The following TENM2 variants were observed in gnomAD, a reference collection of about 807,000 sequenced individuals.
TENM2 encodes teneurin transmembrane protein 2, also known as teneurin-2.
A neutral mutation model predicts 245.2 loss-of-function variants in TENM2; 52 were observed. That is an observed-to-expected ratio of 0.21 (90% CI 0.17 to 0.27). The LOEUF (loss-of-function observed/expected upper bound fraction) is 0.27. TENM2 is among the 10% of genes least tolerant of loss of function. The pLI, the probability that TENM2 is intolerant of heterozygous loss-of-function variation, is 1.00. For synonymous variants in TENM2, 1,363 were observed against 1,438.9 expected, an observed-to-expected ratio of 0.95 and a Z score of 1.19; for missense variants, 3,046 against 3,666.8, an observed-to-expected ratio of 0.83 and a Z score of 4.37.
intron 2 of TENM2, among the ~76,000 whole-genome samples, chr5:167,682,218 G>C (rs1018298090): frequency 6.6e-6 from 1 of 150,994 alleles, no homozygotes; most frequent in Non-Finnish European, 1.5e-5. Context: ...GCTGGAGTGC[G>C]GTGGCATGAT....
At chr5:167,431,997 G>A (rs564181959) in intron 2 of TENM2, among the ~76,000 whole-genome samples, 27 of 104,136 alleles carry the variant, frequency 2.6e-4, no homozygotes, top group African/African-American at 1.1e-3. Flanking sequence ...AATGCTTTCT[G>A]TAAACTGGAA....
At chr5:168,035,950 T>C (rs541241616) in intron 5 of TENM2, among the ~76,000 whole-genome samples, 8 of 152,298 alleles carry the variant, frequency 5.3e-5, no homozygotes, top group East Asian at 1.9e-4. Flanking sequence ...AGGAGATGCA[T>C]TGAGAAAGTT....
chr5:167,674,555 A>G (rs1756183632), intron 2 of TENM2, among the ~76,000 whole-genome samples: 1 of 152,172 alleles, frequency 6.6e-6, no homozygotes, highest in Non-Finnish European at 1.5e-5. Context: ...AATTTTTAAC[A>G]GACATTAAAA....
intron 2 of TENM2, among the ~76,000 whole-genome samples, chr5:167,618,857 G>A (rs906616385): frequency 3.3e-5 from 5 of 151,886 alleles, no homozygotes; most frequent in South Asian, 4.1e-4. Flanking sequence ...CCCTCTCCCC[G>A]CAAAAAGAGT....
intron 2 of TENM2, among the ~76,000 whole-genome samples, chr5:167,597,275 C>T (rs552372010): frequency 2.0e-5 from 3 of 151,338 alleles, no homozygotes; most frequent in Admixed American, 1.3e-4. Flanking sequence ...AGTGATTCTC[C>T]TGCCTCAGCC....
intron 2 of TENM2, among the ~76,000 whole-genome samples, chr5:167,444,588 G>T (rs761107226): frequency 2.0e-5 from 3 of 152,104 alleles, no homozygotes; most frequent in Non-Finnish European, 4.4e-5. Flanking sequence ...GTAGGTTACT[G>T]ATCCTACAAT....
chr5:166,989,252 CTTTTT>C, the TENM2 span, among the ~76,000 whole-genome samples: 1 of 56,958 alleles, frequency 1.8e-5, no homozygotes, highest in African/African-American at 8.5e-5. Context: ...CCAAGCTAAT[CTTTTT>C]TTTTTTTTTT....
intron 2 of TENM2, among the ~76,000 whole-genome samples, chr5:167,727,340 C>G (rs1371978069): frequency 6.6e-6 from 1 of 152,078 alleles, no homozygotes; most frequent in Non-Finnish European, 1.5e-5. Flanking sequence ...TCTCGATCCC[C>G]TGACCTCGTG....
At chr5:167,618,818 C>T (rs1274413278) in intron 2 of TENM2, among the ~76,000 whole-genome samples, 2 of 152,042 alleles carry the variant, frequency 1.3e-5, no homozygotes, top group African/African-American at 4.8e-5. Context: ...ACCATTTTAC[C>T]TGTATAAATG....
intron 2 of TENM2, among the ~76,000 whole-genome samples, chr5:167,410,713 C>T (rs1428323309): frequency 1.3e-5 from 2 of 152,008 alleles, no homozygotes; most frequent in Non-Finnish European, 2.9e-5. Flanking sequence ...AATGCAACTT[C>T]CCTGTCATTC....
At chr5:168,013,871 G>C (rs1375446592) in intron 5 of TENM2, among the ~76,000 whole-genome samples, 1 of 152,170 alleles carries the variant, frequency 6.6e-6, no homozygotes. Context: ...GAAAGCACTA[G>C]GAAAGGGTCT....
intron 2 of TENM2, among the ~76,000 whole-genome samples, chr5:167,389,293 AG>A (rs1761624912): frequency 6.6e-6 from 1 of 151,104 alleles, no homozygotes; most frequent in Admixed American, 6.6e-5. Context: ...GGCATGAAAA[AG>A]AATAAAAATC....
chr5:168,246,669 T>A (rs1766602195), intron 26 of TENM2, 88 bp from the exon 29 acceptor site: 6 of 1,300,086 alleles, frequency 4.6e-6, no homozygotes, highest in Admixed American at 1.9e-5. Context: ...TGAGTTGACA[T>A]TTGGGGAAAT....
intron 2 of TENM2, among the ~76,000 whole-genome samples, chr5:167,659,334 G>A (rs1755054953): frequency 6.6e-6 from 1 of 152,124 alleles, no homozygotes; most frequent in Non-Finnish European, 1.5e-5. Flanking sequence ...GCTTTGCAAG[G>A]AAGCATTCCA....
Position 167,775,156 on chromosome 5 carries a change from C to T in TENM2, c.503-100830C>T, listed in dbSNP as rs552754450. On this transcript the variant is annotated intron_variant, in intron 2 of 28. Coordinates refer to ENST00000518659, the Ensembl canonical transcript of TENM2. ...GCTAATTTTGTATTTTTAGTAGAGA[C>T]GGGGTTTCTCCATGTTGGCCAGGCT... Among the ~76,000 whole-genome samples the T allele has an allele frequency of 1.8e-4, 28 of 152,136 alleles. No individual in the cohort carries two copies. In the South Asian group the frequency reaches 3.3e-3, roughly 18 times the overall value.
At chr5:167,469,178 T>C (rs1256876392) in intron 2 of TENM2, among the ~76,000 whole-genome samples, 1 of 152,146 alleles carries the variant, frequency 6.6e-6, no homozygotes, top group Non-Finnish European at 1.5e-5. Context: ...GTTAGGCTGA[T>C]AAGAAGATCA....
the TENM2 span, among the ~76,000 whole-genome samples, chr5:167,232,322 G>A: frequency 4.6e-5 from 7 of 151,656 alleles, no homozygotes; most frequent in South Asian, 1.0e-3. Context: ...AACACTAAAC[G>A]CCAGCCTGTG....
chr5:167,760,819 A>G (rs1762614787), intron 2 of TENM2, among the ~76,000 whole-genome samples: 1 of 152,046 alleles, frequency 6.6e-6, no homozygotes, highest in Non-Finnish European at 1.5e-5. Flanking sequence ...ATGCCTGGCT[A>G]ATTTTTGTAT....
intron 2 of TENM2, among the ~76,000 whole-genome samples, chr5:167,744,662 C>T (rs893021208): frequency 3.9e-5 from 6 of 152,050 alleles, no homozygotes; most frequent in Non-Finnish European, 5.9e-5. Context: ...TAGCTCTGGC[C>T]GCCCCAGGTG....
Sources: gnomAD v4.1 joint callset for allele counts (sites outside exome capture counted in the v4.1 genomes callset) on GRCh38, gnomAD v4.1.1 for gene constraint, MANE v1.5 for transcripts, NCBI Gene and HGNC (gene_info 2026-07-23, HGNC 2026-07-21) for gene names.